Variants in ADAMTSL1 observed in about 807,000 individuals in gnomAD.
ADAMTSL1 encodes ADAMTS like 1.
ADAMTSL1 carries 126 observed loss-of-function variants against 201.8 expected under a neutral mutation model. The ratio of observed to expected loss-of-function variants is 0.62; its 90% CI spans 0.54 to 0.72. ADAMTSL1 has a LOEUF of 0.72. Ranked by LOEUF, ADAMTSL1 falls within the 30% of genes least tolerant of loss-of-function variation. The probability of loss-of-function intolerance (pLI) is 0.00; values close to 1 mark genes in which losing one functional copy is unlikely to be tolerated. For synonymous variants in ADAMTSL1, 1,121 were observed against 903.4 expected, an observed-to-expected ratio of 1.24 and a Z score of -4.32; for missense variants, 2,679 against 2,277.8, an observed-to-expected ratio of 1.18 and a Z score of -3.59.
intron 23 of ADAMTSL1, among the ~76,000 whole-genome samples, chr9:18,885,040 T>C (rs1273635047): frequency 6.6e-6 from 1 of 152,176 alleles, no homozygotes; most frequent in Non-Finnish European, 1.5e-5. Flanking sequence ...CTCCCATGAA[T>C]TTATATCTTC....
At chr9:18,803,823 T>G (rs562785961) in intron 20 of ADAMTSL1, among the ~76,000 whole-genome samples, 105 of 152,202 alleles carry the variant, frequency 6.9e-4, no homozygotes, top group Non-Finnish European at 1.2e-3. Context: ...TATCTGCTCA[T>G]ATATTACACC....
At chr9:18,195,269 C>A (rs1002050044) in intron 2 of ADAMTSL1, among the ~76,000 whole-genome samples, 15 of 152,146 alleles carry the variant, frequency 9.9e-5, no homozygotes, top group African/African-American at 3.1e-4. Context: ...TCTGTGGGAA[C>A]AGACTATCCA....
intron 2 of ADAMTSL1, among the ~76,000 whole-genome samples, chr9:18,505,733 A>G (rs1218769926): frequency 7.2e-5 from 11 of 152,378 alleles, no homozygotes; most frequent in Admixed American, 7.2e-4. Flanking sequence ...TGTTATGTAT[A>G]GCAAGTAGGA....
In ADAMTSL1 at chr9:17,995,432, G is replaced by A. The variant is rs79798300; in HGVS notation, c.87+88510G>A. Among the ~76,000 whole-genome samples, 398 of 152,284 alleles carry A rather than the reference G, an allele frequency of 2.6e-3. 3 individuals are homozygous for A. The highest frequency in any genetic ancestry group is 9.0e-3 in the African/African-American group (374 of 41,582). On this transcript the variant is annotated intron_variant, in intron 1 of 29. Coordinates refer to the ADAMTSL1 transcript ENST00000680146. ...GGGCAACTAGTGAAATGCAAGGCAA[G>A]TAGCTTGAAGTAAAGTTATAATGAA... is the stretch of plus-strand genomic sequence containing the variant.
chr9:18,692,458 A>G (rs573330543), intron 13 of ADAMTSL1, among the ~76,000 whole-genome samples: 1 of 152,296 alleles, frequency 6.6e-6, no homozygotes, highest in African/African-American at 2.4e-5. Context: ...ACTTTCAGAA[A>G]GCTAAATCTG....
At position 17,971,265 on chromosome 9, in the gene ADAMTSL1, T is replaced by C. The variant is rs1479120091; in HGVS notation, c.87+64343T>C. ...GAACATTGAAACCAACTTTGGTTTT[T>C]GGAGCTAGCTATTGACCTTGAAAAA... is the stretch of plus-strand genomic sequence containing the variant. On this transcript the variant is annotated intron_variant, in intron 1 of 29. Transcript: ENST00000680146. Among the ~76,000 whole-genome samples the C allele has an allele frequency of 1.3e-5, 2 of 152,050 alleles. 1 individual carries two copies. The highest frequency in any genetic ancestry group is 4.8e-5 in the African/African-American group (2 of 41,436).
chr9:18,489,618 A>G (rs184030281), intron 1 of ADAMTSL1, among the ~76,000 whole-genome samples: 1 of 152,294 alleles, frequency 6.6e-6, no homozygotes, highest in East Asian at 1.9e-4. Context: ...GACAAAATAA[A>G]ACATACGCTG....
chr9:18,829,903 C>T lies in ADAMTSL1; in HGVS notation c.4175C>T (p.Pro1392Leu), dbSNP rs368567865. 17 of 1,613,764 alleles carry T rather than the reference C, an allele frequency of 1.1e-5. No homozygotes were observed. The highest frequency in any genetic ancestry group is 6.7e-5 in the African/African-American group (5 of 74,866). The change falls in exon 23 of 29, where the codon CCG (proline) becomes CTG (leucine). Residue 1392 changes from proline (P) to leucine (L), a missense_variant. By Grantham distance (98) the Pro-to-Leu change is moderately conservative (BLOSUM62 -3). Coordinates refer to ENST00000380548, the MANE Select transcript of ADAMTSL1 (RefSeq NM_001040272.6). ...AGGGCCTTGCTCGCTGCCACTGGACCGAACCTTCCTTCAGTGCTGACGTCT... is the reference window on the plus strand; with the variant it reads ...AGGGCCTTGCTCGCTGCCACTGGACTGAACCTTCCTTCAGTGCTGACGTCT... Reference protein sequence around the residue: ...DIRALLAATGPNLPSVLTSPL... With the variant: ...DIRALLAATGLNLPSVLTSPL...
rs573568212 is a variant in ADAMTSL1, at chr9:18,859,878, T to A, written c.4250-27953T>A. Among the ~76,000 whole-genome samples, 29 of 152,322 alleles carry A rather than the reference T, an allele frequency of 1.9e-4. 1 individual carries two copies. The East Asian group carries it at 5.6e-3, about 29-fold the overall frequency. ...ATCTTTTGGGGTACAAGTGGTTTTT[T>A]TGTTACATGGATGAATGAATTACAT... is the stretch of plus-strand genomic sequence containing the variant. On this transcript the variant is annotated intron_variant, in intron 23 of 28. Transcript: ENST00000380548.
intron 2 of ADAMTSL1, among the ~76,000 whole-genome samples, chr9:18,217,264 T>A (rs1430822943): frequency 6.6e-6 from 1 of 152,208 alleles, no homozygotes; most frequent in Non-Finnish European, 1.5e-5. Flanking sequence ...TTATTCTTCA[T>A]AACAACCCTG....
intron 2 of ADAMTSL1, among the ~76,000 whole-genome samples, chr9:18,438,500 A>T (rs1819850446): frequency 6.6e-6 from 1 of 152,014 alleles, no homozygotes; most frequent in African/African-American, 2.4e-5. Flanking sequence ...GCAGGACCTG[A>T]CGGCAGTATT....
intron 2 of ADAMTSL1, among the ~76,000 whole-genome samples, chr9:18,417,155 C>A: frequency 6.6e-6 from 1 of 151,542 alleles, no homozygotes; most frequent in African/African-American, 2.4e-5. Context: ...AATGAAATAA[C>A]CATTGCTAAG....
intron 23 of ADAMTSL1, among the ~76,000 whole-genome samples, chr9:18,832,584 T>A (rs1461236220): frequency 6.6e-6 from 1 of 152,156 alleles, no homozygotes; most frequent in Non-Finnish European, 1.5e-5. Context: ...GATAACAGAA[T>A]TCTAGACCAA....
At chr9:18,811,297 G>A (rs1823495273) in intron 20 of ADAMTSL1, among the ~76,000 whole-genome samples, 2 of 152,190 alleles carry the variant, frequency 1.3e-5, no homozygotes, top group Non-Finnish European at 2.9e-5. Context: ...CTACCAGAGT[G>A]TAATGTGGAG....
At chr9:17,983,580 G>A (rs995176028) in intron 1 of ADAMTSL1, among the ~76,000 whole-genome samples, 2 of 152,158 alleles carry the variant, frequency 1.3e-5, no homozygotes, top group Non-Finnish European at 2.9e-5. Context: ...TGTGTTAAGA[G>A]AATTTGATAT....
intron 1 of ADAMTSL1, among the ~76,000 whole-genome samples, chr9:18,007,094 A>T (rs1819859223): frequency 1.3e-5 from 2 of 152,030 alleles, no homozygotes; most frequent in South Asian, 4.1e-4. Flanking sequence ...TGAGCCTAGG[A>T]TTAATTTTGC....
At chr9:18,441,060 C>A (rs1056948237) in intron 2 of ADAMTSL1, among the ~76,000 whole-genome samples, 1 of 151,802 alleles carries the variant, frequency 6.6e-6, no homozygotes, top group Admixed American at 6.6e-5. Context: ...TGAAAGAAGC[C>A]GGACATAAAA....
intron 1 of ADAMTSL1, among the ~76,000 whole-genome samples, chr9:18,083,488 T>C (rs906161521): frequency 5.9e-5 from 9 of 152,208 alleles, no homozygotes; most frequent in African/African-American, 2.2e-4. Context: ...AAAATGTATG[T>C]CTGTTTTTAA....
intron 7 of ADAMTSL1, among the ~76,000 whole-genome samples, chr9:18,650,215 C>T (rs886260082): frequency 1.3e-5 from 2 of 152,348 alleles, no homozygotes; most frequent in Non-Finnish European, 2.9e-5. Context: ...ATATAATCTC[C>T]TGGTGTGCCG....
Sources: allele counts gnomAD v4.1 joint callset (sites outside exome capture counted in the v4.1 genomes callset), GRCh38; gene constraint gnomAD v4.1.1; transcripts MANE v1.5; gene names NCBI Gene and HGNC (gene_info 2026-07-23, HGNC 2026-07-21).